MAPKAP1: variants seen among roughly 807,000 people sequenced by gnomAD.
MAPKAP1 encodes the protein target of rapamycin complex 2 subunit MAPKAP1.
MAPKAP1 carries 20 observed loss-of-function variants against 65.7 expected under a neutral mutation model. That is an observed-to-expected ratio of 0.30 (90% CI 0.21 to 0.44). The LOEUF (loss-of-function observed/expected upper bound fraction) is 0.44, where lower values mean the gene tolerates loss of function less well. MAPKAP1 is among the 20% of genes least tolerant of loss of function. The pLI is 1.00. For missense variants in MAPKAP1, 423 were observed against 648.0 expected, an observed-to-expected ratio of 0.65 and a Z score of 3.77; for synonymous variants, 222 against 244.3, an observed-to-expected ratio of 0.91 and a Z score of 0.85.
chr9:125,512,329 G>A (rs147560272), intron 7 of MAPKAP1, among the ~76,000 whole-genome samples: 1 of 152,296 alleles, frequency 6.6e-6, no homozygotes, highest in East Asian at 1.9e-4. Flanking sequence ...ATCAGGAAAA[G>A]CTGTACTTCC....
At chr9:125,458,021 C>T (rs1016321478) in intron 10 of MAPKAP1, among the ~76,000 whole-genome samples, 7 of 152,140 alleles carry the variant, frequency 4.6e-5, no homozygotes, top group African/African-American at 4.8e-5. Context: ...TCTCTTCCTG[C>T]GAAAATCTGG....
intron 4 of MAPKAP1, among the ~76,000 whole-genome samples, chr9:125,594,747 T>C (rs1031373202): frequency 3.9e-5 from 6 of 152,154 alleles, no homozygotes; most frequent in Admixed American, 6.5e-5. Flanking sequence ...AAGGGAAAAA[T>C]AGCCTCATCC....
intron 4 of MAPKAP1, among the ~76,000 whole-genome samples, chr9:125,649,048 A>G (rs1833815389): frequency 6.6e-6 from 1 of 152,208 alleles, no homozygotes; most frequent in Non-Finnish European, 1.5e-5. Flanking sequence ...CTCTGGATAG[A>G]GGTCTTCAAG....
chr9:125,618,718 A>G (rs1832814132), intron 4 of MAPKAP1, among the ~76,000 whole-genome samples: 1 of 151,994 alleles, frequency 6.6e-6, no homozygotes, highest in South Asian at 2.1e-4. Flanking sequence ...CAATTATGAT[A>G]AAACAACAAC....
intron 8 of MAPKAP1, among the ~76,000 whole-genome samples, chr9:125,493,698 T>G (rs1173966439): frequency 6.6e-6 from 1 of 152,236 alleles, no homozygotes; most frequent in Non-Finnish European, 1.5e-5. Flanking sequence ...TCAACAACTG[T>G]GACGGTGGCT....
chr9:125,693,070 TA>T (rs1835215945), intron 1 of MAPKAP1, among the ~76,000 whole-genome samples: 1 of 152,142 alleles, frequency 6.6e-6, no homozygotes, highest in Non-Finnish European at 1.5e-5. Context: ...CACAACATTC[TA>T]ATCCACACCA....
rs537505894 is a variant in MAPKAP1 at position 125,491,204 on chromosome 9, G to A, written c.1067-6621C>T. Among the ~76,000 whole-genome samples, 670 of 151,944 alleles carry A rather than the reference G, an allele frequency of 4.4e-3. 4 individuals are homozygous for A. The highest frequency in any genetic ancestry group is 0.015 in the African/African-American group (628 of 41,378). ...TATGAATATAATTCCAGCACTTTGG[G>A]AGGCTGAGGTGGGTGGATTGCTTGA... On this transcript the variant is annotated intron_variant, in intron 8 of 11. Coordinates refer to ENST00000265960, the MANE Select transcript of MAPKAP1 (RefSeq NM_001006617.3).
chr9:125,698,291 ATATATATATAT>A (rs1564622348), intron 1 of MAPKAP1, among the ~76,000 whole-genome samples: 4 of 2,066 alleles, frequency 1.9e-3, no homozygotes, highest in African/African-American at 6.8e-3. Flanking sequence ...ATATATAAAT[ATATATATATAT>A]ATATATATAT....
At chr9:125,496,599 A>T (rs1023601844) in intron 8 of MAPKAP1, among the ~76,000 whole-genome samples, 1 of 152,188 alleles carries the variant, frequency 6.6e-6, no homozygotes, top group Non-Finnish European at 1.5e-5. Context: ...ACCACCAGGG[A>T]GTCTCCAGAG....
intron 11 of MAPKAP1, among the ~76,000 whole-genome samples, chr9:125,442,310 G>A (rs1489945936): frequency 2.0e-5 from 3 of 152,024 alleles, no homozygotes; most frequent in Non-Finnish European, 2.9e-5. Context: ...ACACTTTAGG[G>A]AAGGTGACAG....
chr9:125,443,705 G>T, intron 11 of MAPKAP1, among the ~76,000 whole-genome samples: 1 of 3,860 alleles, frequency 2.6e-4, no homozygotes, highest in South Asian at 7.9e-3. Context: ...AGCTCCCCCA[G>T]CCCCCCCAGC....
At position 125,499,703 on chromosome 9, in the gene MAPKAP1, T is replaced by C. The variant is rs189109120; in HGVS notation, c.1066+6607A>G. On this transcript the variant is annotated intron_variant, in intron 8 of 11. Coordinates refer to ENST00000265960, the MANE Select transcript of MAPKAP1 (RefSeq NM_001006617.3). ...TTTCCTAATATTAGAAAACTGGGCT[T>C]ATCTTTTTTCAGAAAAACTAATTTG... Among the ~76,000 whole-genome samples the C allele has an allele frequency of 2.7e-5, 4 of 150,496 alleles. No individual in the cohort carries two copies. The East Asian group carries it at 7.9e-4, about 30-fold the overall frequency.
intron 4 of MAPKAP1, among the ~76,000 whole-genome samples, chr9:125,631,034 C>T (rs1268636100): frequency 6.6e-6 from 1 of 151,734 alleles, no homozygotes; most frequent in Non-Finnish European, 1.5e-5. Context: ...GAGTCTGAAG[C>T]TGCAGCAAGC....
At chr9:125,673,478 G>A (rs1281459874) in intron 1 of MAPKAP1, among the ~76,000 whole-genome samples, 2 of 152,062 alleles carry the variant, frequency 1.3e-5, no homozygotes, top group Admixed American at 1.3e-4. Context: ...CGCCCGCCTT[G>A]GCCTCCCAAA....
intron 10 of MAPKAP1, among the ~76,000 whole-genome samples, chr9:125,452,579 A>G (rs553016497): frequency 6.6e-6 from 1 of 152,314 alleles, no homozygotes; most frequent in African/African-American, 2.4e-5. Flanking sequence ...ACTATTGAGG[A>G]GTCCAAAAAG....
At chr9:125,521,271 C>T (rs1363650893) in intron 7 of MAPKAP1, among the ~76,000 whole-genome samples, 5 of 146,956 alleles carry the variant, frequency 3.4e-5, no homozygotes, top group African/African-American at 1.3e-4. Context: ...AAAGGAGGTC[C>T]CCTACTATTT....
chr9:125,512,730 C>T (rs1007611955), intron 7 of MAPKAP1, among the ~76,000 whole-genome samples: 3 of 151,838 alleles, frequency 2.0e-5, no homozygotes, highest in East Asian at 1.9e-4. Context: ...TACAGGCGCC[C>T]GCCACCATGC....
intron 4 of MAPKAP1, among the ~76,000 whole-genome samples, chr9:125,632,740 A>G (rs567602185): frequency 6.6e-6 from 1 of 152,310 alleles, no homozygotes; most frequent in East Asian, 1.9e-4. Flanking sequence ...CAATGAACAC[A>G]CAAGAGACCT....
intron 1 of MAPKAP1, among the ~76,000 whole-genome samples, chr9:125,695,124 G>A (rs898230285): frequency 6.6e-6 from 1 of 152,108 alleles, no homozygotes; most frequent in Admixed American, 6.5e-5. Context: ...GGATGTGTCC[G>A]TATTTTAACT....
Sources: gnomAD v4.1 joint callset for allele counts (sites outside exome capture counted in the v4.1 genomes callset) on GRCh38, gnomAD v4.1.1 for gene constraint, MANE v1.5 for transcripts, NCBI Gene and HGNC (gene_info 2026-07-23, HGNC 2026-07-21) for gene names.